The following DOCK9 variants were observed in gnomAD, a reference collection of about 807,000 sequenced individuals.
The protein encoded by DOCK9 is dedicator of cytokinesis 9.
Under a neutral mutation model 263.3 loss-of-function variants are expected in DOCK9, and 89 were observed. The ratio of observed to expected loss-of-function variants is 0.34; its 90% CI spans 0.28 to 0.40. The LOEUF (loss-of-function observed/expected upper bound fraction) is 0.40, where lower values mean the gene tolerates loss of function less well. DOCK9 is among the 10% of genes least tolerant of loss of function. The pLI is 1.00. For missense variants in DOCK9, 2,140 were observed against 2,603.4 expected, an observed-to-expected ratio of 0.82 and a Z score of 3.87; for synonymous variants, 976 against 973.1, an observed-to-expected ratio of 1.00 and a Z score of -0.06.
chr13:99,038,299 T>C (rs1350818564), intron 1 of DOCK9, among the ~76,000 whole-genome samples: 1 of 126,080 alleles, frequency 7.9e-6, no homozygotes, highest in African/African-American at 3.1e-5. Context: ...TTTTTTTTTT[T>C]TTTTTTTTTT....
intron 45 of DOCK9, among the ~76,000 whole-genome samples, chr13:98,822,659 G>GT (rs2092340543): frequency 6.9e-6 from 1 of 145,470 alleles, no homozygotes; most frequent in Admixed American, 6.9e-5. Context: ...ATATTTGAGA[G>GT]TAAAAAGTAA....
Position 98,900,430 on chromosome 13 carries a change from C to T in DOCK9, c.1503+1348G>A, listed in dbSNP as rs1226640234. 2.6e-5 allele frequency among the ~76,000 whole-genome samples: 4 copies of T among 152,286 alleles called. No homozygotes were observed. The East Asian group carries it at 7.7e-4, about 29-fold the overall frequency. The stretch of plus-strand genomic sequence containing the variant: ...ACATAAAAGAGCTAAAAGAGCTTCT[C>T]ATCCAAGGTTTTACAGACTTGGTTT... On this transcript the variant is annotated intron_variant, in intron 13 of 52. Transcript: ENST00000682017.
chr13:98,942,876 T>G (rs1233197733), intron 2 of DOCK9, among the ~76,000 whole-genome samples: 1 of 151,616 alleles, frequency 6.6e-6, no homozygotes, highest in East Asian at 1.9e-4. Context: ...TACCTACACA[T>G]ATCTACACAC....
chr13:99,086,140 C>G (rs1596074046), intron 1 of DOCK9: 2 of 1,387,110 alleles, frequency 1.4e-6, no homozygotes, highest in Non-Finnish European at 1.9e-6. Flanking sequence ...TCAGCCCTGC[C>G]GACTAAGAGG....
chr13:98,918,547 A>G (rs1460901122), intron 7 of DOCK9, among the ~76,000 whole-genome samples: 1 of 152,236 alleles, frequency 6.6e-6, no homozygotes, highest in East Asian at 1.9e-4. Context: ...AGAGAAGACC[A>G]CAAAGAACAG....
chr13:98,906,669 T>A (rs932098445), intron 9 of DOCK9, among the ~76,000 whole-genome samples: 1 of 152,212 alleles, frequency 6.6e-6, no homozygotes, highest in Non-Finnish European at 1.5e-5. Context: ...CTTATTACAT[T>A]TCTAATCATG....
At chr13:98,809,227 A>G in intron 47 of DOCK9, 125 bp downstream of exon 47, 1 of 1,225,050 alleles carries the variant, frequency 8.2e-7, no homozygotes, top group Non-Finnish European at 1.1e-6. Context: ...CAAATTCATC[A>G]AATTAGCAAT....
chr13:98,954,922 T>C (rs1400217159), intron 2 of DOCK9, among the ~76,000 whole-genome samples: 1 of 150,194 alleles, frequency 6.7e-6, no homozygotes, highest in Non-Finnish European at 1.5e-5. Flanking sequence ...ATAATTAATA[T>C]GCAAAAATAA....
intron 1 of DOCK9, chr13:99,015,331 T>C: frequency 1.1e-6 from 1 of 871,650 alleles, no homozygotes; most frequent in Non-Finnish European, 1.6e-6. Context: ...TACCCATTTA[T>C]ACACACAGAC....
intron 1 of DOCK9, among the ~76,000 whole-genome samples, chr13:99,020,892 C>T (rs1173541919): frequency 2.0e-5 from 3 of 152,210 alleles, no homozygotes; most frequent in Non-Finnish European, 4.4e-5. Flanking sequence ...TGATACAGCA[C>T]ACTTCACCAA....
At chr13:98,857,418 A>G (rs1355123416) in intron 33 of DOCK9, 3 of 152,220 alleles carry the variant, frequency 2.0e-5, no homozygotes, top group Non-Finnish European at 2.9e-5. Context: ...CCTCCCAAGT[A>G]GCTGTGATTA....
chr13:98,849,328 T>C (rs1363060948), intron 36 of DOCK9, among the ~76,000 whole-genome samples: 1 of 152,138 alleles, frequency 6.6e-6, no homozygotes, highest in Admixed American at 6.5e-5. Flanking sequence ...CCTGAGTTCA[T>C]GCAAATACAT....
intron 2 of DOCK9, among the ~76,000 whole-genome samples, chr13:98,948,485 C>T (rs1256252117): frequency 1.3e-5 from 2 of 152,114 alleles, no homozygotes; most frequent in Non-Finnish European, 2.9e-5. Flanking sequence ...AGTTTCCCAC[C>T]CATAAATATA....
rs754010646 is a variant in DOCK9 at position 98,977,840 on chromosome 13, G to C, written c.70C>G (p.Gln24Glu). The part of the protein sequence containing the change: ...KKELVIESPL[Q>E]YKDAAQGEVE... ...TCGCCCTGAGCTGCATCCTTGTATT[G>C]CAGGGGGGACTCAATCACCAGTTCC... is the stretch of plus-strand genomic sequence containing the variant. Residue 24 changes from glutamine (Q) to glutamate (E), a missense_variant, in exon 1 of 53, where the codon CAA becomes GAA. This residue lies in a region of DOCK9 where 1,521 missense variants were observed against 1,741.7 expected (regional missense o/e 0.87). Coordinates refer to ENST00000682017, the MANE Select transcript of DOCK9 (RefSeq NM_001366683.2). 1.9e-6 allele frequency: 3 copies of C among 1,608,906 alleles called. No homozygotes were observed. Among genetic ancestry groups the C allele is most frequent in the Non-Finnish European group, 2.5e-6 (3 of 1,177,454 alleles).
At chr13:99,072,774 A>G (rs566281562) in intron 1 of DOCK9, among the ~76,000 whole-genome samples, 3 of 152,270 alleles carry the variant, frequency 2.0e-5, no homozygotes, top group African/African-American at 7.2e-5. Flanking sequence ...CCGAGGCAGG[A>G]AGATCACTTG....
intron 45 of DOCK9, among the ~76,000 whole-genome samples, chr13:98,816,473 C>T (rs1444790038): frequency 2.0e-5 from 3 of 151,768 alleles, no homozygotes; most frequent in East Asian, 3.9e-4. Context: ...AGTCCCTGGG[C>T]GGTAGTGAGG....
intron 45 of DOCK9, 41 bp from the exon 46 acceptor site, chr13:98,810,332 TG>T: frequency 6.2e-7 from 1 of 1,607,700 alleles, no homozygotes. Flanking sequence ...AAGAGCGTTA[TG>T]GGGAACGTGA....
At chr13:98,944,276 T>G (rs1263458198) in intron 2 of DOCK9, among the ~76,000 whole-genome samples, 1 of 151,856 alleles carries the variant, frequency 6.6e-6, no homozygotes, top group Admixed American at 6.6e-5. Flanking sequence ...GTGTGTGCTC[T>G]CTTTCTTCTA....
chr13:98,971,771 A>G (rs2059757902), intron 1 of DOCK9, among the ~76,000 whole-genome samples: 1 of 152,220 alleles, frequency 6.6e-6, no homozygotes, highest in Non-Finnish European at 1.5e-5. Context: ...TCACCAGTCT[A>G]TGCTCCTATG....
Sources: gnomAD v4.1 joint callset for allele counts (sites outside exome capture counted in the v4.1 genomes callset) on GRCh38, gnomAD v4.1.1 for gene constraint, gnomAD v4.1.1 regional missense constraint, MANE v1.5 for transcripts, NCBI Gene and HGNC (gene_info 2026-07-23, HGNC 2026-07-21) for gene names.